The following LRP5 variants were observed in gnomAD, a reference collection of about 807,000 sequenced individuals.
LRP5 encodes the protein low-density lipoprotein receptor-related protein 5.
In LRP5, 62 loss-of-function variants were observed where a neutral mutation model predicts 154.1. The observed-to-expected ratio is 0.40, with a 90% CI of 0.33 to 0.50. The LOEUF (loss-of-function observed/expected upper bound fraction) is 0.50, where lower values mean the gene tolerates loss of function less well. Among genes scored for constraint, LRP5 ranks in the 20% least tolerant of loss-of-function variants. LRP5 has a pLI of 0.55. For synonymous variants in LRP5, 966 were observed against 1,011.5 expected (o/e 0.96, Z 0.85); for missense variants, 1,915 against 2,336.7 (o/e 0.82, Z 3.72).
chr11:68,385,221 C>T (rs543131602), intron 5 of LRP5, among the ~76,000 whole-genome samples: 61 of 152,326 alleles, frequency 4.0e-4, no homozygotes, highest in African/African-American at 1.3e-3. Context: ...GAGGACCAGG[C>T]TCTCCCCTCA....
chr11:68,423,949 C>G lies in LRP5; in HGVS notation c.3236+252C>G, dbSNP rs766041207. On this transcript the variant is annotated intron_variant, in intron 14 of 22. Coordinates refer to ENST00000294304, the MANE Select transcript of LRP5 (RefSeq NM_002335.4). This position sits in a 1 kb window ranked among gnomAD's most constrained non-coding sequence, Gnocchi z 4.7. Reference sequence around the variant, plus strand: ...AGGCAGCGCTGGCCGACGGGAGTTGCAGTTGATAGGTTTTGTATCATCCTT... The same window carrying G: ...AGGCAGCGCTGGCCGACGGGAGTTGGAGTTGATAGGTTTTGTATCATCCTT... Among the ~76,000 whole-genome samples, 2 of 152,234 alleles carry G rather than the reference C, an allele frequency of 1.3e-5. No individual in the cohort carries two copies. The highest frequency in any genetic ancestry group is 2.9e-5 in the Non-Finnish European group (2 of 68,034).
chr11:68,396,082 G>A (rs962222737), intron 7 of LRP5, among the ~76,000 whole-genome samples: 2 of 152,072 alleles, frequency 1.3e-5, no homozygotes, highest in Non-Finnish European at 2.9e-5. Context: ...GCAATGGCGG[G>A]GACAGTGGCT....
the LRP5 span, among the ~76,000 whole-genome samples, chr11:68,303,444 C>T: frequency 2.0e-5 from 3 of 152,340 alleles, 1 homozygote; most frequent in East Asian, 5.8e-4. Flanking sequence ...GAAGTTTGAA[C>T]ATAAGAGGGA....
At chr11:68,392,311 C>G (rs886535990) in intron 7 of LRP5, among the ~76,000 whole-genome samples, 4 of 152,072 alleles carry the variant, frequency 2.6e-5, no homozygotes, top group Non-Finnish European at 5.9e-5. Context: ...TGAGACCAGC[C>G]TGGCCAACAT....
chr11:68,331,903 T>TGA (rs1255309412), intron 1 of LRP5, among the ~76,000 whole-genome samples: 1 of 151,892 alleles, frequency 6.6e-6, no homozygotes, highest in Non-Finnish European at 1.5e-5. Context: ...CCGAAGCTGG[T>TGA]GAGTGTGAGG....
chr11:68,356,626 A>C (rs2098623384), intron 2 of LRP5, among the ~76,000 whole-genome samples: 1 of 152,096 alleles, frequency 6.6e-6, no homozygotes, highest in African/African-American at 2.4e-5. Context: ...ACGCACCATC[A>C]CCCAAAATCC....
At chr11:68,419,443 C>T (rs544764235) in intron 13 of LRP5, among the ~76,000 whole-genome samples, 321 of 152,108 alleles carry the variant, frequency 2.1e-3, no homozygotes, top group African/African-American at 6.9e-3. Context: ...CTATGTTGCC[C>T]AGGCTGGTCT....
intron 1 of LRP5, among the ~76,000 whole-genome samples, chr11:68,331,647 G>A (rs2098602835): frequency 6.6e-6 from 1 of 152,196 alleles, no homozygotes; most frequent in Non-Finnish European, 1.5e-5. Flanking sequence ...CGTGCCCCCT[G>A]TATGTTTCCT....
chr11:68,358,863 C>A (rs2098625390), intron 3 of LRP5, among the ~76,000 whole-genome samples: 1 of 152,206 alleles, frequency 6.6e-6, no homozygotes, highest in Admixed American at 6.5e-5. Context: ...GTCAGGGATC[C>A]TCCTGGGACG....
rs371172011 is a variant in LRP5, at chr11:68,423,745, C to T, written c.3236+48C>T. On this transcript the variant is annotated intron_variant, in intron 14 of 22. Coordinates refer to ENST00000294304, the MANE Select transcript of LRP5 (RefSeq NM_002335.4). This position sits in a 1 kb window ranked among gnomAD's most constrained non-coding sequence, Gnocchi z 4.7. Reference sequence around the variant, plus strand: ...GGGGTGCTGCCCGTCCAGGCGTGCCCGCCGTGTCTTCTGCCGAATGCCAGC... The same window carrying T: ...GGGGTGCTGCCCGTCCAGGCGTGCCTGCCGTGTCTTCTGCCGAATGCCAGC... 1.5e-5 allele frequency: 24 copies of T among 1,553,572 alleles called. No individual in the cohort carries two copies. The East Asian group carries it at 2.0e-4, about 13-fold the overall frequency.
chr11:68,403,712 G>A lies in LRP5; in HGVS notation c.1801+13G>A. The stretch of plus-strand genomic sequence containing the variant: ...GCCAAGGTCGTCGGTGAGTCCGGGG[G>A]GTCCCAAGCCATGGCTCAGCCATGC... On this transcript the variant is annotated intron_variant, in intron 8 of 22. Coordinates refer to ENST00000294304, the MANE Select transcript of LRP5 (RefSeq NM_002335.4). 1.2e-6 allele frequency: 2 copies of A among 1,612,660 alleles called. No homozygotes were observed. The highest frequency in any genetic ancestry group is 1.1e-5 in the South Asian group (1 of 91,006).
intron 5 of LRP5, among the ~76,000 whole-genome samples, chr11:68,367,359 A>G (rs2098631663): frequency 1.3e-5 from 2 of 152,196 alleles, no homozygotes; most frequent in South Asian, 4.1e-4. Flanking sequence ...AGTAGGTTCT[A>G]GCAGGTGGGG....
intron 1 of LRP5, among the ~76,000 whole-genome samples, chr11:68,324,122 TCTC>T (rs1591175131): frequency 6.6e-6 from 1 of 152,152 alleles, no homozygotes; most frequent in Admixed American, 6.5e-5. Flanking sequence ...AGCATGGAGT[TCTC>T]CTTCTCAGGA....
chr11:68,355,022 T>C (rs1206496680), intron 2 of LRP5, among the ~76,000 whole-genome samples: 1 of 152,146 alleles, frequency 6.6e-6, no homozygotes, highest in Non-Finnish European at 1.5e-5. Context: ...ATGCCCTCAT[T>C]CTTGTTGATC....
At chr11:68,377,925 C>A (rs1359464910) in intron 5 of LRP5, among the ~76,000 whole-genome samples, 3 of 152,152 alleles carry the variant, frequency 2.0e-5, no homozygotes, top group Non-Finnish European at 2.9e-5. Context: ...GCCAGGAGAA[C>A]ACAGCTATCC....
At chr11:68,366,348 C>T (rs1266291014) in intron 5 of LRP5, among the ~76,000 whole-genome samples, 3 of 151,944 alleles carry the variant, frequency 2.0e-5, no homozygotes, top group Non-Finnish European at 4.4e-5. Flanking sequence ...CTGGCTTCCA[C>T]ACTCAGGAAC....
chr11:68,298,569 G>T, the LRP5 span, among the ~76,000 whole-genome samples: 9 of 152,176 alleles, frequency 5.9e-5, no homozygotes, highest in African/African-American at 2.2e-4. Context: ...CTTTGGCGAG[G>T]GTCTGTTCCT....
chr11:68,360,929 G>A (rs1375619006), intron 3 of LRP5, among the ~76,000 whole-genome samples: 10 of 147,546 alleles, frequency 6.8e-5, no homozygotes, highest in Admixed American at 4.8e-4. Flanking sequence ...CCTGGGAGGC[G>A]GAGCTTGCAG....
Position 68,423,163 on chromosome 11 carries a change from T to C in LRP5, c.3028-326T>C, listed in dbSNP as rs2153172829. ...CACAGCTGGGTGCCCGGCGGGTGGC[T>C]GAGGAGGCCTAAAGTCCGAGGCGGC... On this transcript the variant is annotated intron_variant, in intron 13 of 22. Transcript: ENST00000294304. This position sits in a 1 kb window ranked among gnomAD's most constrained non-coding sequence, Gnocchi z 4.7. Among the ~76,000 whole-genome samples the C allele has an allele frequency of 6.6e-6, 1 of 152,204 alleles. No individual in the cohort carries two copies. Among genetic ancestry groups the C allele is most frequent in the East Asian group, 1.9e-4 (1 of 5,172 alleles).
Sources: gnomAD v4.1 joint callset for allele counts (sites outside exome capture counted in the v4.1 genomes callset) on GRCh38, gnomAD v4.1.1 for gene constraint, Gnocchi (gnomAD v3.1) non-coding constraint, MANE v1.5 for transcripts, NCBI Gene and HGNC (gene_info 2026-07-23, HGNC 2026-07-21) for gene names.